The following ZFAND6 variants were observed in gnomAD, a reference collection of about 807,000 sequenced individuals.
The protein encoded by ZFAND6 is AN1-type zinc finger protein 6.
Under a neutral mutation model 24.5 loss-of-function variants are expected in ZFAND6, and 12 were observed. That is an observed-to-expected ratio of 0.49 (90% CI 0.31 to 0.79). The LOEUF (loss-of-function observed/expected upper bound fraction) is 0.79, where lower values mean the gene tolerates loss of function less well. Among genes scored for constraint, ZFAND6 ranks in the 30% least tolerant of loss-of-function variants. ZFAND6 has a pLI of 0.04. For synonymous variants in ZFAND6, 92 were observed against 81.5 expected (o/e 1.13, Z -0.69); for missense variants, 207 against 245.9 (o/e 0.84, Z 1.06).
At chr15:80,100,078 C>G (rs1442963600) in intron 2 of ZFAND6, among the ~76,000 whole-genome samples, 3 of 152,112 alleles carry the variant, frequency 2.0e-5, no homozygotes, top group African/African-American at 4.8e-5. Flanking sequence ...GTGTAAATCT[C>G]CAGAGGTTAT....
chr15:80,112,756 C>G (rs12594035), intron 2 of ZFAND6: 321,308 of 455,784 alleles, frequency 0.7, 114,542 homozygotes, highest in Admixed American at 0.82. Context: ...CCTCATGTCT[C>G]TTTATTACCC....
intron 1 of ZFAND6, among the ~76,000 whole-genome samples, chr15:80,080,368 A>G (rs924922228): frequency 6.6e-6 from 1 of 152,194 alleles, no homozygotes; most frequent in Admixed American, 6.5e-5. Context: ...CCCCTTATTC[A>G]TGGGAGATAT....
intron 1 of ZFAND6, among the ~76,000 whole-genome samples, chr15:80,066,933 G>A (rs1294534770): frequency 6.6e-6 from 1 of 151,558 alleles, no homozygotes; most frequent in Non-Finnish European, 1.5e-5. Flanking sequence ...ACAGTTTGAA[G>A]CCTCTTCCCC....
At chr15:80,073,533 G>A (rs1210697973) in intron 1 of ZFAND6, among the ~76,000 whole-genome samples, 1 of 151,844 alleles carries the variant, frequency 6.6e-6, no homozygotes, top group Non-Finnish European at 1.5e-5. Context: ...AGCATTTTCA[G>A]CCATTGTATT....
intron 1 of ZFAND6, among the ~76,000 whole-genome samples, chr15:80,092,395 C>G (rs1382625484): frequency 1.3e-5 from 2 of 151,596 alleles, no homozygotes; most frequent in African/African-American, 2.4e-5. Flanking sequence ...AAGATCGTGC[C>G]ACTGCACTCT....
rs747552499 is a variant in ZFAND6 at position 80,122,756 on chromosome 15, G to A, written c.320G>A (p.Ser107Asn). 67 of 1,613,518 alleles carry A rather than the reference G, an allele frequency of 4.2e-5. No homozygotes were observed. The highest frequency in any genetic ancestry group is 5.5e-5 in the Non-Finnish European group (65 of 1,179,814). ...TCTGTAGCATCTTCTCAATTGGACA[G>A]TACATCTGTGGACAAAGCAGTACCT... is the stretch of plus-strand genomic sequence containing the variant. ...SESVASSQLD[S>N]TSVDKAVPET... The change falls in exon 5 of 7, where the codon AGT becomes AAT. Residue 107 changes from serine to asparagine, a missense_variant. Ser to Asn is a conservative substitution (Grantham distance 46, BLOSUM62 1). This residue lies in a region of ZFAND6 where 133 missense variants were observed against 122.8 expected (regional missense o/e 1.08). Coordinates refer to ENST00000261749, the MANE Select transcript of ZFAND6 (RefSeq NM_019006.4).
intron 1 of ZFAND6, among the ~76,000 whole-genome samples, chr15:80,070,022 C>T (rs899072137): frequency 6.6e-6 from 1 of 152,098 alleles, no homozygotes; most frequent in African/African-American, 2.4e-5. Flanking sequence ...TACAATAAAC[C>T]ACCAGTCGTG....
At chr15:80,103,901 T>G (rs1387518842) in intron 2 of ZFAND6, among the ~76,000 whole-genome samples, 1 of 151,964 alleles carries the variant, frequency 6.6e-6, no homozygotes, top group Non-Finnish European at 1.5e-5. Flanking sequence ...TATGCAGGGG[T>G]GTAGTGGTGT....
At chr15:80,121,950 TTATAAC>T in intron 4 of ZFAND6, 130 bp downstream of exon 4, 1 of 746,192 alleles carries the variant, frequency 1.3e-6, no homozygotes, top group Non-Finnish European at 2.1e-6. Flanking sequence ...TATCGTCTGA[TTATAAC>T]TAGTTAGAAA....
At chr15:80,097,599 A>G (rs1476175180) in intron 1 of ZFAND6, among the ~76,000 whole-genome samples, 1 of 152,150 alleles carries the variant, frequency 6.6e-6, no homozygotes, top group African/African-American at 2.4e-5. Context: ...CAGTGAGCCA[A>G]GATCGCACCA....
intron 1 of ZFAND6, among the ~76,000 whole-genome samples, chr15:80,080,186 G>A (rs918575752): frequency 6.6e-5 from 10 of 151,632 alleles, no homozygotes; most frequent in African/African-American, 2.2e-4. Flanking sequence ...TAGTAGCTAC[G>A]GGGTTTCACC....
chr15:80,073,843 C>T (rs2037114839), intron 1 of ZFAND6, among the ~76,000 whole-genome samples: 1 of 151,720 alleles, frequency 6.6e-6, no homozygotes, highest in Non-Finnish European at 1.5e-5. Flanking sequence ...CTGAATTAAC[C>T]TAGTTTTTTG....
chr15:80,091,897 C>T (rs1327422748), intron 1 of ZFAND6, among the ~76,000 whole-genome samples: 2 of 152,284 alleles, frequency 1.3e-5, no homozygotes, highest in East Asian at 1.9e-4. Context: ...ACCTCAGCCT[C>T]CCAAAGTGCT....
chr15:80,083,284 C>G (rs940656876), intron 1 of ZFAND6, among the ~76,000 whole-genome samples: 2 of 152,022 alleles, frequency 1.3e-5, no homozygotes, highest in Admixed American at 6.5e-5. Flanking sequence ...AGCCACCGCA[C>G]CTGGCCTATA....
intron 2 of ZFAND6, among the ~76,000 whole-genome samples, chr15:80,101,022 CTT>C (rs2038998156): frequency 6.6e-6 from 1 of 152,034 alleles, no homozygotes; most frequent in African/African-American, 2.4e-5. Context: ...CCTGTTTGTT[CTT>C]TGAGAGGAGG....
intron 3 of ZFAND6, among the ~76,000 whole-genome samples, chr15:80,121,308 A>C (rs1451207471): frequency 6.6e-6 from 1 of 152,216 alleles, no homozygotes; most frequent in African/African-American, 2.4e-5. Context: ...TTTAAAATTA[A>C]GTCATCATCT....
At chr15:80,069,212 A>G (rs993713063) in intron 1 of ZFAND6, among the ~76,000 whole-genome samples, 2 of 152,154 alleles carry the variant, frequency 1.3e-5, no homozygotes, top group Non-Finnish European at 2.9e-5. Context: ...TTCTTAGATG[A>G]TCTATGATAT....
At chr15:80,130,764 C>T (rs1047209750) in intron 5 of ZFAND6, 2 of 160,186 alleles carry the variant, frequency 1.2e-5, no homozygotes, top group African/African-American at 4.8e-5. Context: ...CTTTTCCCTC[C>T]TCGTTCTCTG....
chr15:80,090,237 G>C (rs1056795252), intron 1 of ZFAND6, among the ~76,000 whole-genome samples: 2 of 152,268 alleles, frequency 1.3e-5, no homozygotes, highest in East Asian at 1.9e-4. Context: ...TAGTACCTAA[G>C]TACTCAAGAA....
Sources: gnomAD v4.1 joint callset for allele counts (sites outside exome capture counted in the v4.1 genomes callset) on GRCh38, gnomAD v4.1.1 for gene constraint, gnomAD v4.1.1 regional missense constraint, MANE v1.5 for transcripts, NCBI Gene and HGNC (gene_info 2026-07-23, HGNC 2026-07-21) for gene names.